The following POLA2 variants were observed in gnomAD, a reference collection of about 807,000 sequenced individuals.
POLA2 encodes DNA polymerase alpha 2, accessory subunit.
A neutral mutation model predicts 82.8 loss-of-function variants in POLA2; 47 were observed. The ratio of observed to expected loss-of-function variants is 0.57; its 90% CI spans 0.45 to 0.72. The LOEUF is 0.72. Ranked by LOEUF, POLA2 falls within the 30% of genes least tolerant of loss-of-function variation. The probability of loss-of-function intolerance (pLI) is 0.00; values close to 1 mark genes in which losing one functional copy is unlikely to be tolerated. For missense variants in POLA2, 634 were observed against 728.1 expected (o/e 0.87, Z 1.49); for synonymous variants, 287 against 286.8 (o/e 1.00, Z -0.01).
rs1339036613 is a variant in POLA2, at chr11:65,278,866, G to A, written c.598G>A (p.Glu200Lys). ...CAGCCTGAAGGTCTTGGGATGTCCAGAGGCACTAACTGGGAGCTACAAATC... is the reference window on the plus strand; with the variant it reads ...CAGCCTGAAGGTCTTGGGATGTCCAAAGGCACTAACTGGGAGCTACAAATC... ...NISLKVLGCP[E>K]ALTGSYKSMF... The change falls in exon 6 of 18, where the codon GAG becomes AAG. Residue 200 changes from glutamate to lysine, a missense_variant. By Grantham distance (56) the Glu-to-Lys change is moderately conservative. Coordinates refer to ENST00000265465, the MANE Select transcript of POLA2 (RefSeq NM_002689.4). The A allele has an allele frequency of 6.2e-7, 1 of 1,613,834 alleles. No homozygotes were observed. The highest frequency in any genetic ancestry group is 1.1e-5 in the South Asian group (1 of 91,056).
At chr11:65,292,204 C>T (rs1246056478) in intron 13 of POLA2, among the ~76,000 whole-genome samples, 1 of 152,204 alleles carries the variant, frequency 6.6e-6, no homozygotes, top group Admixed American at 6.5e-5. Context: ...CCACTGCACT[C>T]CAGCCTGGGC....
At chr11:65,281,465 A>G (rs373238578) in intron 8 of POLA2, among the ~76,000 whole-genome samples, 1 of 152,212 alleles carries the variant, frequency 6.6e-6, no homozygotes, top group East Asian at 1.9e-4. Context: ...ACCTCATAGG[A>G]TTGTTGTGAA....
intron 1 of POLA2, among the ~76,000 whole-genome samples, chr11:65,265,866 C>G (rs986247259): frequency 2.0e-5 from 3 of 152,246 alleles, no homozygotes; most frequent in Non-Finnish European, 4.4e-5. Context: ...CCCCAAGACT[C>G]AAGCCTGGGA....
At chr11:65,282,322 G>C (rs1949649823) in intron 9 of POLA2, among the ~76,000 whole-genome samples, 157 bp from the exon 10 acceptor site, 1 of 152,034 alleles carries the variant, frequency 6.6e-6, no homozygotes, top group Non-Finnish European at 1.5e-5. Context: ...TCAGATCCAG[G>C]GAGCAAGACA....
At chr11:65,268,610 G>A in intron 3 of POLA2, 62 bp from the exon 4 acceptor site, 1 of 1,059,466 alleles carries the variant, frequency 9.4e-7, no homozygotes, top group Non-Finnish European at 1.4e-6. Context: ...CCAAAGTGCT[G>A]GGATTACAGG....
rs1251397287 is a variant in POLA2 at position 65,297,892 on chromosome 11, T to C, written c.*623T>C. The C allele has an allele frequency of 1.3e-5, 2 of 152,238 alleles. No individual in the cohort carries two copies. Among genetic ancestry groups the C allele is most frequent in the East Asian group, 1.9e-4 (1 of 5,180 alleles). 9.4% of individuals were successfully genotyped at this position (152,238 alleles called of 1,614,324 possible). A position where few individuals can be genotyped will look rare whatever the true frequency, so the allele number is the denominator to read the frequency against. ...GTCTCGATCTCCTGACCTTGTGATCTGTCCGCCTCAGCCTCCCAAAGTGCT... is the reference window on the plus strand; with the variant it reads ...GTCTCGATCTCCTGACCTTGTGATCCGTCCGCCTCAGCCTCCCAAAGTGCT... On this transcript the variant is annotated 3_prime_UTR_variant, in exon 18 of 18. Transcript: ENST00000265465.
chr11:65,279,882 TTGG>T, intron 7 of POLA2: 1 of 394,612 alleles, frequency 2.5e-6, no homozygotes, highest in Non-Finnish European at 4.5e-6. Flanking sequence ...CTTGTTTCCC[TTGG>T]TGGTGAGTCA....
chr11:65,278,858 G>T lies in POLA2; in HGVS notation c.590G>T (p.Gly197Val). 6.2e-7 allele frequency: 1 copy of T among 1,613,876 alleles called. No homozygotes were observed. Among genetic ancestry groups the T allele is most frequent in the East Asian group, 2.2e-5 (1 of 44,894 alleles). ...GAGNISLKVLGCPEALTGSYK... is the reference protein window; with the variant it reads ...GAGNISLKVLVCPEALTGSYK... ...GGAAACATCAGCCTGAAGGTCTTGG[G>T]ATGTCCAGAGGCACTAACTGGGAGC... Residue 197 changes from glycine to valine, a missense_variant, in exon 6 of 18, where the codon GGA becomes GTA. Gly to Val is a moderately radical substitution (Grantham distance 109). Coordinates refer to ENST00000265465, the MANE Select transcript of POLA2 (RefSeq NM_002689.4).
Position 65,281,164 on chromosome 11 carries a change from T to A in POLA2, c.900+17T>A. 1 of 1,612,940 alleles carries A rather than the reference T, an allele frequency of 6.2e-7. No individual in the cohort carries two copies. Among genetic ancestry groups the A allele is most frequent in the Non-Finnish European group, 8.5e-7 (1 of 1,179,192 alleles). ...CCTGGACAGGTGAGATTGGAGGAGT[T>A]CCACCAGAATGCAGGCGCACTCTTT... On this transcript the variant is annotated intron_variant, in intron 8 of 17. Transcript: ENST00000265465.
intron 1 of POLA2, among the ~76,000 whole-genome samples, chr11:65,265,177 C>T (rs1271485737): frequency 6.6e-6 from 1 of 151,070 alleles, no homozygotes; most frequent in East Asian, 1.9e-4. Context: ...TGCAATGAGC[C>T]GAGATCGTGC....
At chr11:65,290,531 C>T (rs1949744079) in intron 13 of POLA2, among the ~76,000 whole-genome samples, 1 of 152,086 alleles carries the variant, frequency 6.6e-6, no homozygotes, top group Non-Finnish European at 1.5e-5. Context: ...AACAAAACTC[C>T]TTTTCCAAAA....
At chr11:65,296,249 A>C in intron 17 of POLA2, 4 of 398,024 alleles carry the variant, frequency 1.0e-5, no homozygotes, top group Non-Finnish European at 9.5e-6. Flanking sequence ...AGGCCCTCAA[A>C]TGAGGGCTTT....
At position 65,297,888 on chromosome 11, in the gene POLA2, G is replaced by C. The variant is rs1471258770; in HGVS notation, c.*619G>C. 6.6e-6 allele frequency: 1 copy of C among 152,306 alleles called. No individual in the cohort carries two copies. Among genetic ancestry groups the C allele is most frequent in the Non-Finnish European group, 1.5e-5 (1 of 68,106 alleles). The allele number at this position is 152,306 out of a possible 1,614,324, so 9.4% of individuals were successfully genotyped here. A position where few individuals can be genotyped will look rare whatever the true frequency, so the allele number is the denominator to read the frequency against. The stretch of plus-strand genomic sequence containing the variant: ...GATGGTCTCGATCTCCTGACCTTGT[G>C]ATCTGTCCGCCTCAGCCTCCCAAAG... On this transcript the variant is annotated 3_prime_UTR_variant, in exon 18 of 18. Coordinates refer to ENST00000265465, the MANE Select transcript of POLA2 (RefSeq NM_002689.4).
chr11:65,295,412 C>A (rs2137595529), intron 15 of POLA2, 128 bp from the exon 16 acceptor site: 1 of 779,520 alleles, frequency 1.3e-6, no homozygotes, highest in Non-Finnish European at 2.2e-6. Flanking sequence ...TCCCCAGAGG[C>A]ATCCTCCTCT....
At chr11:65,274,544 G>A (rs1263568472) in intron 4 of POLA2, among the ~76,000 whole-genome samples, 3 of 151,760 alleles carry the variant, frequency 2.0e-5, no homozygotes, top group East Asian at 3.9e-4. Context: ...GCTGGATGTG[G>A]TGGCGGGCAC....
downstream of POLA2, among the ~76,000 whole-genome samples, chr11:65,300,954 CT>C (rs2137618669): frequency 6.6e-6 from 1 of 152,336 alleles, no homozygotes; most frequent in South Asian, 2.1e-4. Flanking sequence ...GTCCGCCATT[CT>C]TTTTTATGGC....
chr11:65,296,219 G>C, intron 17 of POLA2: 1 of 474,218 alleles, frequency 2.1e-6, no homozygotes, highest in Non-Finnish European at 3.9e-6. Flanking sequence ...CCAAGAGAAC[G>C]AGAGCCCAGA....
At chr11:65,266,423 G>C in intron 1 of POLA2, 159 bp from the exon 2 acceptor site, 1 of 679,486 alleles carries the variant, frequency 1.5e-6, no homozygotes, top group Non-Finnish European at 2.5e-6. Flanking sequence ...GCTTTGTAAG[G>C]ACAAGGATGC....
chr11:65,284,923 T>C (rs1949679900), intron 10 of POLA2, among the ~76,000 whole-genome samples: 1 of 152,198 alleles, frequency 6.6e-6, no homozygotes, highest in African/African-American at 2.4e-5. Context: ...CATGTAACAG[T>C]GGCCAGAGCC....
Sources: gnomAD v4.1 joint callset for allele counts (sites outside exome capture counted in the v4.1 genomes callset) on GRCh38, gnomAD v4.1.1 for gene constraint, MANE v1.5 for transcripts, NCBI Gene and HGNC (gene_info 2026-07-23, HGNC 2026-07-21) for gene names.